Variants in ESRRG observed in about 807,000 individuals in gnomAD.
ESRRG encodes the protein estrogen related receptor gamma, also known as estrogen-related receptor gamma.
Under a neutral mutation model 44.0 loss-of-function variants are expected in ESRRG, and 13 were observed. The ratio of observed to expected loss-of-function variants is 0.30; its 90% CI spans 0.19 to 0.47. ESRRG has a LOEUF of 0.47. ESRRG is among the 20% of genes least tolerant of loss of function. The pLI is 1.00. For synonymous variants in ESRRG, 215 were observed against 214.6 expected (o/e 1.00, Z -0.02); for missense variants, 395 against 580.6 (o/e 0.68, Z 3.29).
chr1:216,676,988 T>C (rs1435070099), intron 2 of ESRRG, 88 bp downstream of exon 2: 4 of 916,908 alleles, frequency 4.4e-6, no homozygotes, highest in Non-Finnish European at 6.8e-6. Context: ...ACTATGATAC[T>C]TGACTTATGA....
intron 2 of ESRRG, among the ~76,000 whole-genome samples, chr1:216,939,363 A>AAAC (rs1560188954): frequency 7.0e-6 from 1 of 142,538 alleles, no homozygotes; most frequent in Non-Finnish European, 1.5e-5. Context: ...AAAAAAAAAA[A>AAAC]AAAAAAACAC....
At chr1:216,730,329 A>AAAAG (rs1183736325) in intron 2 of ESRRG, among the ~76,000 whole-genome samples, 31 of 151,554 alleles carry the variant, frequency 2.0e-4, no homozygotes, top group African/African-American at 5.3e-4. Flanking sequence ...AAAAGAAAGA[A>AAAAG]AAAGAAAGAA....
chr1:216,970,316 A>G (rs2071377472), intron 1 of ESRRG, among the ~76,000 whole-genome samples: 1 of 152,232 alleles, frequency 6.6e-6, no homozygotes, highest in Non-Finnish European at 1.5e-5. Flanking sequence ...AAACTGCATG[A>G]CAAAGTATTT....
At chr1:216,566,990 C>G (rs1191235741) in intron 4 of ESRRG, among the ~76,000 whole-genome samples, 1 of 152,110 alleles carries the variant, frequency 6.6e-6, no homozygotes, top group Non-Finnish European at 1.5e-5. Flanking sequence ...GTATGATGCA[C>G]AGCAGTGACC....
chr1:216,592,801 G>A (rs1444583265), intron 3 of ESRRG, among the ~76,000 whole-genome samples: 3 of 152,074 alleles, frequency 2.0e-5, no homozygotes, highest in Admixed American at 6.6e-5. Flanking sequence ...CACCTGGGCT[G>A]GTGTTACCAT....
chr1:216,519,001 A>G, intron 6 of ESRRG, 151 bp downstream of exon 6: 1 of 633,538 alleles, frequency 1.6e-6, no homozygotes. Context: ...TCTTATTTCT[A>G]ACTTTTCACT....
At chr1:216,638,787 A>G (rs2065811390) in intron 3 of ESRRG, among the ~76,000 whole-genome samples, 1 of 152,216 alleles carries the variant, frequency 6.6e-6, no homozygotes, top group South Asian at 2.1e-4. Flanking sequence ...ATGAGTGAAT[A>G]AAAGTTTGGA....
At chr1:216,788,488 T>C (rs1279291678) in intron 2 of ESRRG, among the ~76,000 whole-genome samples, 1 of 152,132 alleles carries the variant, frequency 6.6e-6, no homozygotes, top group Non-Finnish European at 1.5e-5. Flanking sequence ...TGAGGCCTTC[T>C]TAGAAAAAGC....
intron 1 of ESRRG, among the ~76,000 whole-genome samples, chr1:217,062,552 TCA>T (rs1210615952): frequency 6.6e-6 from 1 of 152,092 alleles, no homozygotes; most frequent in Non-Finnish European, 1.5e-5. Context: ...TCAGGCATAC[TCA>T]CACAAAAATA....
At chr1:217,026,880 C>G (rs2081250729) in intron 1 of ESRRG, among the ~76,000 whole-genome samples, 1 of 95,760 alleles carries the variant, frequency 1.0e-5, no homozygotes, top group African/African-American at 3.5e-5. Flanking sequence ...CACATATACA[C>G]ACACACATAC....
intron 1 of ESRRG, among the ~76,000 whole-genome samples, chr1:217,123,858 C>A (rs149909487): frequency 6.6e-6 from 1 of 152,060 alleles, no homozygotes; most frequent in Non-Finnish European, 1.5e-5. Context: ...CTATGGCACA[C>A]GCTCACCTAC....
chr1:216,530,826 C>T (rs906476496), intron 5 of ESRRG, among the ~76,000 whole-genome samples: 1 of 152,034 alleles, frequency 6.6e-6, no homozygotes, highest in African/African-American at 2.4e-5. Context: ...TATAGAAATA[C>T]AAATTCCAAT....
At chr1:216,903,273 G>A (rs146098377) in intron 2 of ESRRG, among the ~76,000 whole-genome samples, 44 of 152,210 alleles carry the variant, frequency 2.9e-4, no homozygotes, top group African/African-American at 9.6e-4. Context: ...TACCCAGCAT[G>A]TTATTCTTCA....
intron 1 of ESRRG, chr1:217,078,408 C>T (rs1558220543): frequency 6.6e-6 from 1 of 152,272 alleles, no homozygotes; most frequent in East Asian, 1.9e-4. Flanking sequence ...AGAAAGGAAC[C>T]TTTACTGAAA....
intron 1 of ESRRG, among the ~76,000 whole-genome samples, chr1:216,958,398 G>A (rs968950780): frequency 2.0e-5 from 3 of 152,096 alleles, no homozygotes; most frequent in Non-Finnish European, 4.4e-5. Flanking sequence ...ATGGATAAAA[G>A]TTCAGATTAC....
intron 2 of ESRRG, among the ~76,000 whole-genome samples, chr1:216,733,811 C>T (rs898299750): frequency 2.0e-5 from 3 of 151,702 alleles, no homozygotes; most frequent in African/African-American, 7.3e-5. Flanking sequence ...ACAAACATAG[C>T]AAAACCCCGT....
chr1:216,507,837 G>A (rs542042203), intron 6 of ESRRG, among the ~76,000 whole-genome samples: 18 of 152,182 alleles, frequency 1.2e-4, no homozygotes, highest in East Asian at 9.7e-4. Context: ...AATATTTTTC[G>A]CATTTGTAAA....
At chr1:216,608,611 C>T (rs1479862090) in intron 3 of ESRRG, among the ~76,000 whole-genome samples, 1 of 152,118 alleles carries the variant, frequency 6.6e-6, no homozygotes, top group Non-Finnish European at 1.5e-5. Flanking sequence ...ATTCTAGAGC[C>T]CAGACACTGA....
At chr1:216,701,216 A>G (rs1046413102) in intron 1 of ESRRG, among the ~76,000 whole-genome samples, 1 of 152,182 alleles carries the variant, frequency 6.6e-6, no homozygotes, top group Non-Finnish European at 1.5e-5. Context: ...CGCTAGACTT[A>G]ACATCCTTTA....
Sources: allele counts gnomAD v4.1 joint callset (sites outside exome capture counted in the v4.1 genomes callset), GRCh38; gene constraint gnomAD v4.1.1; transcripts MANE v1.5; gene names NCBI Gene and HGNC (gene_info 2026-07-23, HGNC 2026-07-21).